Variants in COL6A1 observed in about 807,000 individuals in gnomAD.
The protein encoded by COL6A1 is collagen alpha-1(VI) chain.
COL6A1 carries 80 observed loss-of-function variants against 145.6 expected under a neutral mutation model. That is an observed-to-expected ratio of 0.55 (90% CI 0.46 to 0.66). COL6A1 has a LOEUF of 0.66. COL6A1 is among the 30% of genes least tolerant of loss of function. The probability of loss-of-function intolerance (pLI) is 0.00; values close to 1 mark genes in which losing one functional copy is unlikely to be tolerated. For synonymous variants in COL6A1, 638 were observed against 622.8 expected, an observed-to-expected ratio of 1.02 and a Z score of -0.36; for missense variants, 1,364 against 1,473.8, an observed-to-expected ratio of 0.93 and a Z score of 1.22.
Position 45,987,487 on chromosome 21 carries a change from T to C in COL6A1, c.739-12T>C, listed in dbSNP as rs751820515. ...TTTCCCACTGACTCGTCTCCATGCTTTCCCCCCACAGTGCTGCTCCTTCGA... is the reference window on the plus strand; with the variant it reads ...TTTCCCACTGACTCGTCTCCATGCTCTCCCCCCACAGTGCTGCTCCTTCGA... On this transcript the variant is annotated splice_polypyrimidine_tract_variant and intron_variant, in intron 6 of 34. Coordinates refer to ENST00000361866, the MANE Select transcript of COL6A1 (RefSeq NM_001848.3). 2 of 1,612,810 alleles carry C rather than the reference T, an allele frequency of 1.2e-6. No homozygotes were observed. The highest frequency in any genetic ancestry group is 1.7e-6 in the Non-Finnish European group (2 of 1,179,982).
intron 18 of COL6A1, 64 bp downstream of exon 18, chr21:45,992,462 C>A: frequency 1.9e-6 from 3 of 1,575,980 alleles, no homozygotes; most frequent in Non-Finnish European, 2.6e-6. Context: ...GTGGCCTCTG[C>A]GGCCCAGTCT....
intron 3 of COL6A1, 27 bp downstream of exon 3, chr21:45,984,496 C>T (rs747656562): frequency 1.9e-5 from 30 of 1,601,646 alleles, no homozygotes; most frequent in Admixed American, 5.0e-5. Flanking sequence ...CTCCTGCCCA[C>T]GCCAGTTCTC....
At chr21:45,997,899 C>T (rs1224380718) in intron 22 of COL6A1, 137 bp downstream of exon 22, 2 of 1,136,308 alleles carry the variant, frequency 1.8e-6, no homozygotes, top group Admixed American at 2.4e-5. Flanking sequence ...GGCTCCTGGC[C>T]ACAGTCGGCA....
Position 45,990,266 on chromosome 21 carries a change from G to A in COL6A1, c.939G>A (p.Arg313=), listed in dbSNP as rs745873798. The A allele has an allele frequency of 6.2e-7, 1 of 1,612,870 alleles. No individual in the cohort carries two copies. The highest frequency in any genetic ancestry group is 1.7e-5 in the Admixed American group (1 of 60,020). The change falls in exon 12 of 35, where the codon AGG becomes AGA. Residue 313 remains arginine, a synonymous_variant. Transcript: ENST00000361866. ...EKGSRGEKGS[R]GPKGYKGEKG... ...GCTTCCTGTCTCCGCAGGGCTCCAG[G>A]GGACCCAAGGGCTACAAGGTGAGCG...
rs937713500 is a variant in COL6A1, at chr21:45,996,311, G to A, written c.1399-1110G>A. On this transcript the variant is annotated intron_variant, in intron 20 of 34. Coordinates refer to ENST00000361866, the MANE Select transcript of COL6A1 (RefSeq NM_001848.3). Reference sequence around the variant, plus strand: ...GAGCTTCTGGACCTCCTTGAGGCCCGTGTGCAAAGTCCCCAGTCAAGTGTG... The same window carrying A: ...GAGCTTCTGGACCTCCTTGAGGCCCATGTGCAAAGTCCCCAGTCAAGTGTG... Among the ~76,000 whole-genome samples, 17 of 152,210 alleles carry A rather than the reference G, an allele frequency of 1.1e-4. 1 individual carries two copies. The highest frequency in any genetic ancestry group is 3.4e-4 in the African/African-American group (14 of 41,458).
In COL6A1 at chr21:46,004,774, T is replaced by G. The variant is rs1411347973; in HGVS notation, c.*761T>G. 2 of 425,114 alleles carry G rather than the reference T, an allele frequency of 4.7e-6. No homozygotes were observed. Among genetic ancestry groups the G allele is most frequent in the Admixed American group, 5.1e-5 (2 of 39,392 alleles). 26.3% of individuals were successfully genotyped at this position (425,114 alleles called of 1,614,324 possible). ...AGAGAGTACTCGCAGGGGCGCTGGCTGCACTCAAGACCCTCGAGATTAACG... is the reference window on the plus strand; with the variant it reads ...AGAGAGTACTCGCAGGGGCGCTGGCGGCACTCAAGACCCTCGAGATTAACG... On this transcript the variant is annotated 3_prime_UTR_variant, in exon 35 of 35. Coordinates refer to ENST00000361866, the MANE Select transcript of COL6A1 (RefSeq NM_001848.3).
chr21:45,985,093 GAGAGAC>G (rs1468827454), intron 3 of COL6A1, among the ~76,000 whole-genome samples: 1 of 151,242 alleles, frequency 6.6e-6, no homozygotes, highest in East Asian at 2.0e-4. Context: ...AACAGAGACA[GAGAGAC>G]AGAGACAGAG....
intron 20 of COL6A1, among the ~76,000 whole-genome samples, chr21:45,995,520 C>T (rs1461773005): frequency 6.6e-6 from 1 of 152,244 alleles, no homozygotes; most frequent in African/African-American, 2.4e-5. Flanking sequence ...GAGGCCAGGA[C>T]TTGCTCGGAG....
At chr21:45,992,696 G>T in intron 18 of COL6A1, 52 bp from the exon 19 acceptor site, 2 of 1,528,410 alleles carry the variant, frequency 1.3e-6, no homozygotes, top group South Asian at 1.2e-5. Context: ...CACCCCAGCT[G>T]GGTGTGAGTT....
intron 27 of COL6A1, 92 bp from the exon 28 acceptor site, chr21:46,000,239 C>T (rs1353663390): frequency 6.5e-7 from 1 of 1,531,430 alleles, no homozygotes; most frequent in African/African-American, 1.4e-5. Flanking sequence ...CTGTGGGGGC[C>T]CCAGGGAGGG....
chr21:45,994,806 G>A lies in COL6A1; in HGVS notation c.1398+577G>A, dbSNP rs1426250695. Among the ~76,000 whole-genome samples, 1 of 152,178 alleles carries A rather than the reference G, an allele frequency of 6.6e-6. No individual in the cohort carries two copies. Among genetic ancestry groups the A allele is most frequent in the African/African-American group, 2.4e-5 (1 of 41,450 alleles). ...TGGTGGCTCCAGTGTGGTGTTGCCC[G>A]CAGGCTGGGCTGGGCCGTTGCATCC... On this transcript the variant is annotated intron_variant, in intron 20 of 34. Transcript: ENST00000361866. This position sits in a 1 kb window ranked among gnomAD's most constrained non-coding sequence, Gnocchi z 6.8.
chr21:45,986,551 T>C lies in COL6A1; in HGVS notation c.454T>C (p.Tyr152His), dbSNP rs1286529045. 3 of 1,564,726 alleles carry C rather than the reference T, an allele frequency of 1.9e-6. No individual in the cohort carries two copies. Among genetic ancestry groups the C allele is most frequent in the Admixed American group, 1.9e-5 (1 of 53,532 alleles). Reference protein sequence around the residue: ...VGGSHLKENKYLIVVTDGHPL... With the variant: ...VGGSHLKENKHLIVVTDGHPL... ...GGGCTCCCACCTGAAGGAGAATAAG[T>C]ACCTGATTGTGGTGACCGACGGGCA... Residue 152 changes from tyrosine to histidine, a missense_variant, in exon 4 of 35, where the codon TAC becomes CAC. This residue lies in a region of COL6A1 where 414 missense variants were observed against 437.6 expected (regional missense o/e 0.95). Transcript: ENST00000361866.
chr21:46,000,930 T>A, intron 29 of COL6A1, 163 bp downstream of exon 29: 1 of 933,594 alleles, frequency 1.1e-6, no homozygotes, highest in South Asian at 1.3e-5. Flanking sequence ...CCAGCAGGGT[T>A]CCCGGGTGTT....
rs141424786 is a variant in COL6A1 at position 46,002,023 on chromosome 21, C to G, written c.2019C>G (p.His673Gln). 6.2e-6 allele frequency: 10 copies of G among 1,612,484 alleles called. No homozygotes were observed. The South Asian group carries it at 9.9e-5, about 16-fold the overall frequency. ...ACAGCCACAGCCAGATGCAGGAGCA[C>G]GTGAGCCTGCGCAGCCCCAGCATCC... Reference protein sequence around the residue: ...VQYSHSQMQEHVSLRSPSIRN... With the variant: ...VQYSHSQMQEQVSLRSPSIRN... The change falls in exon 31 of 35, where the codon CAC (histidine) becomes CAG (glutamine). Residue 673 changes from histidine (H) to glutamine (Q), a missense_variant. By Grantham distance (24) the His-to-Gln change is conservative (BLOSUM62 0). Transcript: ENST00000361866.
At chr21:45,985,379 CAG>C (rs2077733646) in intron 3 of COL6A1, among the ~76,000 whole-genome samples, 4 of 144,714 alleles carry the variant, frequency 2.8e-5, no homozygotes, top group Admixed American at 2.7e-4. Context: ...GAAGCACAGA[CAG>C]AGACAGACAG....
intron 1 of COL6A1, 88 bp from the exon 2 acceptor site, chr21:45,982,546 G>T (rs2077714028): frequency 6.3e-7 from 1 of 1,591,874 alleles, no homozygotes; most frequent in Non-Finnish European, 8.6e-7. Flanking sequence ...TGTGCTGCAG[G>T]CGCTGGGCTG....
In COL6A1 at chr21:45,992,708, C is replaced by T. The variant is rs1569518369; in HGVS notation, c.1273-40C>T. On this transcript the variant is annotated intron_variant, in intron 18 of 34. Transcript: ENST00000361866. ...CCCCACCCCAGCTGGGTGTGAGTTCCAGCAGCTGAGGCTTCTCCCCTCCAT... is the reference window on the plus strand; with the variant it reads ...CCCCACCCCAGCTGGGTGTGAGTTCTAGCAGCTGAGGCTTCTCCCCTCCAT... 7 of 1,549,202 alleles carry T rather than the reference C, an allele frequency of 4.5e-6. No individual in the cohort carries two copies. In the South Asian group the frequency reaches 8.3e-5, roughly 18 times the overall value.
intron 25 of COL6A1, 34 bp downstream of exon 25, chr21:45,998,993 G>A: frequency 6.5e-7 from 1 of 1,550,336 alleles, no homozygotes; most frequent in Non-Finnish European, 8.7e-7. Context: ...CCAGCCCCAA[G>A]TCCACCTGAG....
chr21:45,991,846 C>G (rs2077778607), intron 15 of COL6A1, among the ~76,000 whole-genome samples, 164 bp from the exon 16 acceptor site: 1 of 152,116 alleles, frequency 6.6e-6, no homozygotes, highest in Non-Finnish European at 1.5e-5. Flanking sequence ...GGTCTTTGTG[C>G]AGGGTTGTGG....
Sources: gnomAD v4.1 joint callset for allele counts (sites outside exome capture counted in the v4.1 genomes callset) on GRCh38, gnomAD v4.1.1 for gene constraint, gnomAD v4.1.1 regional missense constraint, Gnocchi (gnomAD v3.1) non-coding constraint, MANE v1.5 for transcripts, NCBI Gene and HGNC (gene_info 2026-07-23, HGNC 2026-07-21) for gene names.